The following CENPP variants were observed in gnomAD, a reference collection of about 807,000 sequenced individuals.
The protein encoded by CENPP is centromere protein P.
Under a neutral mutation model 35.6 loss-of-function variants are expected in CENPP, and 24 were observed. The ratio of observed to expected loss-of-function variants is 0.67; its 90% confidence interval spans 0.49 to 0.95. The LOEUF is 0.95. Among genes scored for constraint, CENPP ranks in the 40% least tolerant of loss-of-function variants. The pLI is 0.00. For synonymous variants in CENPP, 120 were observed against 125.5 expected (o/e 0.96, Z 0.29); for missense variants, 332 against 345.3 (o/e 0.96, Z 0.31).
chr9:92,469,915 T>C (rs1845447320), intron 5 of CENPP, among the ~76,000 whole-genome samples: 2 of 152,248 alleles, frequency 1.3e-5, no homozygotes, highest in African/African-American at 4.8e-5. Context: ...TCACCCAGGC[T>C]AGAGTGCAGT....
At chr9:92,484,587 T>C (rs1846012532) in intron 5 of CENPP, among the ~76,000 whole-genome samples, 1 of 152,250 alleles carries the variant, frequency 6.6e-6, no homozygotes, top group Non-Finnish European at 1.5e-5. Flanking sequence ...GTATTTTTGT[T>C]AGGTGAAATT....
chr9:92,507,497 C>T (rs1847076675), intron 5 of CENPP, among the ~76,000 whole-genome samples: 1 of 152,118 alleles, frequency 6.6e-6, no homozygotes, highest in African/African-American at 2.4e-5. Flanking sequence ...TAGGAGGTAA[C>T]AGGAAATAGG....
intron 5 of CENPP, among the ~76,000 whole-genome samples, chr9:92,544,999 C>T (rs906996299): frequency 6.6e-6 from 1 of 152,152 alleles, no homozygotes; most frequent in African/African-American, 2.4e-5. Context: ...GCTGGGATTA[C>T]CGGTGTGAGC....
intron 5 of CENPP, among the ~76,000 whole-genome samples, chr9:92,575,998 C>T (rs1172331343): frequency 6.6e-6 from 1 of 152,104 alleles, no homozygotes; most frequent in African/African-American, 2.4e-5. Context: ...ACTGATTTCA[C>T]CTGAGGTACA....
chr9:92,552,087 G>A lies in CENPP; in HGVS notation c.565-59227G>A, dbSNP rs868162490. On this transcript the variant is annotated intron_variant, in intron 5 of 7. Transcript: ENST00000375587. The stretch of plus-strand genomic sequence containing the variant: ...GTGATATGATAGATCTATCATATAT[G>A]TGATATGATAGATCTATCATATATA... 5.6e-5 allele frequency among the ~76,000 whole-genome samples: 7 copies of A among 125,026 alleles called. 2 individuals are homozygous for A. Among genetic ancestry groups the A allele is most frequent in the African/African-American group, 1.7e-4 (5 of 29,258 alleles). The allele number at this position is 125,026 out of a possible 152,430, so 82.0% of individuals were successfully genotyped here.
chr9:92,544,309 C>T (rs1849380446), intron 5 of CENPP, among the ~76,000 whole-genome samples: 1 of 152,152 alleles, frequency 6.6e-6, no homozygotes, highest in African/African-American at 2.4e-5. Context: ...AATCCCGTCT[C>T]TACTAAAAAT....
intron 5 of CENPP, among the ~76,000 whole-genome samples, chr9:92,559,682 A>G (rs2131340096): frequency 6.6e-6 from 1 of 151,978 alleles, no homozygotes; most frequent in South Asian, 2.1e-4. Context: ...ATTTTTTTTC[A>G]TAGAGATGGG....
At chr9:92,420,037 AG>A in intron 5 of CENPP, among the ~76,000 whole-genome samples, 1 of 152,300 alleles carries the variant, frequency 6.6e-6, no homozygotes, top group African/African-American at 2.4e-5. Context: ...ATTCAGGTAG[AG>A]TCAGAGACCC....
At chr9:92,510,550 C>T (rs1311044821) in intron 5 of CENPP, among the ~76,000 whole-genome samples, 2 of 152,240 alleles carry the variant, frequency 1.3e-5, no homozygotes, top group African/African-American at 2.4e-5. Context: ...ACAGATATCA[C>T]AAGCCATTCC....
At chr9:92,327,412 T>C (rs1360453608) in intron 1 of CENPP, among the ~76,000 whole-genome samples, 7 of 152,098 alleles carry the variant, frequency 4.6e-5, no homozygotes, top group African/African-American at 1.7e-4. Context: ...GGGGCAGGGA[T>C]TTATGCTGTA....
At position 92,617,286 on chromosome 9, in the gene CENPP, A is replaced by C. The variant is rs1364535063; in HGVS notation, c.*4137A>C. 3 of 152,230 alleles carry C rather than the reference A, an allele frequency of 2.0e-5. No homozygotes were observed. Among genetic ancestry groups the C allele is most frequent in the South Asian group, 2.1e-4 (1 of 4,826 alleles). The allele number at this position is 152,230 out of a possible 1,614,324, so 9.4% of individuals were successfully genotyped here. On this transcript the variant is annotated 3_prime_UTR_variant, in exon 8 of 8. Transcript: ENST00000375587. ...GGTGCACCTGGGCTGGAACAGTCAC[A>C]TCCCCAGCCCATGACTAGGGTTACG...
chr9:92,562,660 C>T (rs112531131), intron 5 of CENPP, among the ~76,000 whole-genome samples: 339 of 152,204 alleles, frequency 2.2e-3, no homozygotes, highest in Middle Eastern at 0.01. Flanking sequence ...TTCTGCAAAC[C>T]CTGAAACCCA....
At chr9:92,500,998 G>A in intron 5 of CENPP, 1 of 1,614,204 alleles carries the variant, frequency 6.2e-7, no homozygotes, top group Non-Finnish European at 8.5e-7. Context: ...GACTTGGGTA[G>A]ATAGGACGGG....
chr9:92,570,327 T>G (rs979588792), intron 5 of CENPP, among the ~76,000 whole-genome samples: 1 of 152,212 alleles, frequency 6.6e-6, no homozygotes, highest in East Asian at 1.9e-4. Context: ...CTGCATCTAT[T>G]GAGATAATCA....
At chr9:92,588,204 T>A (rs1218903435) in intron 5 of CENPP, among the ~76,000 whole-genome samples, 1 of 151,954 alleles carries the variant, frequency 6.6e-6, no homozygotes, top group African/African-American at 2.4e-5. Context: ...AAAATAAAAA[T>A]TTAAAGAGAG....
At chr9:92,459,517 T>C (rs1845015733) in intron 5 of CENPP, 1 of 983,718 alleles carries the variant, frequency 1.0e-6, no homozygotes, top group East Asian at 2.4e-5. Flanking sequence ...TGGAGAGTCA[T>C]TATGTTTGAA....
chr9:92,372,237 T>C (rs1463123186), intron 4 of CENPP, among the ~76,000 whole-genome samples: 1 of 151,326 alleles, frequency 6.6e-6, no homozygotes, highest in Admixed American at 6.6e-5. Context: ...TTAATTGCAG[T>C]CTATATTTGT....
chr9:92,466,628 T>G, intron 5 of CENPP: 2 of 1,405,052 alleles, frequency 1.4e-6, no homozygotes, highest in Non-Finnish European at 2.0e-6. Context: ...TTTACCAGTA[T>G]TCTACAGTGA....
intron 5 of CENPP, among the ~76,000 whole-genome samples, chr9:92,602,218 G>A (rs1375828929): frequency 1.3e-5 from 2 of 152,218 alleles, no homozygotes; most frequent in Non-Finnish European, 2.9e-5. Context: ...GAATAAACAA[G>A]TGACTGAGTG....
Sources: allele counts gnomAD v4.1 joint callset (sites outside exome capture counted in the v4.1 genomes callset), GRCh38; gene constraint gnomAD v4.1.1; transcripts MANE v1.5; gene names NCBI Gene and HGNC (gene_info 2026-07-23, HGNC 2026-07-21).